Variants in KIF6 observed in about 807,000 individuals in gnomAD.
The protein encoded by KIF6 is kinesin-like protein KIF6.
A neutral mutation model predicts 112.7 loss-of-function variants in KIF6; 106 were observed. The ratio of observed to expected loss-of-function variants is 0.94; its 90% confidence interval spans 0.80 to 1.11. The LOEUF is 1.11. Ranked by LOEUF, KIF6 falls within the 50% of genes least tolerant of loss-of-function variation. The pLI, the probability that KIF6 is intolerant of heterozygous loss-of-function variation, is 0.00. For synonymous variants in KIF6, 339 were observed against 339.9 expected (o/e 1.00, Z 0.03); for missense variants, 929 against 964.0 (o/e 0.96, Z 0.48).
intron 18 of KIF6, among the ~76,000 whole-genome samples, chr6:39,357,598 G>A (rs563105222): frequency 2.0e-5 from 3 of 152,036 alleles, no homozygotes; most frequent in East Asian, 1.9e-4. Flanking sequence ...ATAGGCACCC[G>A]CCATCATGCC....
chr6:39,706,828 G>A (rs1241727836), intron 3 of KIF6, among the ~76,000 whole-genome samples: 1 of 152,188 alleles, frequency 6.6e-6, no homozygotes, highest in South Asian at 2.1e-4. Context: ...AATTTCAGAT[G>A]GGATTAGCTT....
At chr6:39,337,149 T>TTTTC (rs1762986769) in intron 22 of KIF6, among the ~76,000 whole-genome samples, 4 of 95,924 alleles carry the variant, frequency 4.2e-5, no homozygotes, top group Admixed American at 3.8e-4. Context: ...CCTTCCTTTC[T>TTTTC]CTTTCTTTTC....
At chr6:39,422,556 T>C (rs1029850807) in intron 14 of KIF6, among the ~76,000 whole-genome samples, 4 of 152,214 alleles carry the variant, frequency 2.6e-5, no homozygotes, top group Non-Finnish European at 1.5e-5. Context: ...CATGTGTTCC[T>C]GATCCCTGGT....
chr6:39,400,405 T>C (rs924077681), intron 15 of KIF6, among the ~76,000 whole-genome samples: 4 of 152,270 alleles, frequency 2.6e-5, no homozygotes, highest in Admixed American at 2.6e-4. Context: ...AATGTGTTCC[T>C]TTTTGCCCTT....
intron 10 of KIF6, among the ~76,000 whole-genome samples, chr6:39,575,146 A>G (rs1780871052): frequency 6.6e-6 from 1 of 151,998 alleles, no homozygotes; most frequent in African/African-American, 2.4e-5. Flanking sequence ...TTGGCCTCAT[A>G]TTTCTAATTC....
chr6:39,589,915 A>G (rs1781840429), intron 7 of KIF6, among the ~76,000 whole-genome samples: 1 of 152,232 alleles, frequency 6.6e-6, no homozygotes. Flanking sequence ...CCAGTTTACA[A>G]TTAAGAAATT....
intron 14 of KIF6, among the ~76,000 whole-genome samples, chr6:39,426,779 G>A (rs1291968065): frequency 2.6e-5 from 4 of 152,048 alleles, no homozygotes; most frequent in Non-Finnish European, 5.9e-5. Context: ...TGGAATGAAG[G>A]GGATGGGGGA....
intron 10 of KIF6, 52 bp from the exon 11 acceptor site, chr6:39,545,740 T>C (rs1158258939): frequency 8.9e-7 from 1 of 1,118,620 alleles, no homozygotes; most frequent in East Asian, 2.3e-5. Context: ...GCTTTAAAAA[T>C]TCTAATGGCA....
intron 10 of KIF6, chr6:39,553,714 T>C (rs1039201728): frequency 7.2e-5 from 11 of 152,242 alleles, no homozygotes; most frequent in Non-Finnish European, 1.0e-4. Context: ...AAGGTATATA[T>C]GTCTTATGAC....
At chr6:39,464,290 A>G (rs1200197778) in intron 13 of KIF6, among the ~76,000 whole-genome samples, 4 of 152,216 alleles carry the variant, frequency 2.6e-5, no homozygotes, top group East Asian at 1.9e-4. Context: ...TTTGGAGACC[A>G]TCTGCATTTT....
chr6:39,543,388 G>T (rs922530679), intron 12 of KIF6, among the ~76,000 whole-genome samples: 17 of 151,728 alleles, frequency 1.1e-4, no homozygotes, highest in African/African-American at 1.9e-4. Context: ...GTGTGTGGGT[G>T]GGGGGGGATT....
chr6:39,346,133 C>CTG (rs1562113407), intron 20 of KIF6, among the ~76,000 whole-genome samples: 2 of 89,292 alleles, frequency 2.2e-5, no homozygotes, highest in South Asian at 4.2e-4. Flanking sequence ...CTCCCTCTCC[C>CTG]TCTCTCTCTC....
intron 15 of KIF6, among the ~76,000 whole-genome samples, chr6:39,409,510 C>G (rs1443927925): frequency 2.6e-5 from 4 of 152,226 alleles, no homozygotes; most frequent in Non-Finnish European, 1.5e-5. Flanking sequence ...TGCTGAGTCC[C>G]TGAGGATGGA....
chr6:39,580,094 C>T (rs1035070354), intron 9 of KIF6, among the ~76,000 whole-genome samples: 4 of 151,982 alleles, frequency 2.6e-5, no homozygotes, highest in East Asian at 3.9e-4. Flanking sequence ...AGGTTAATTT[C>T]GTCAGACATC....
intron 5 of KIF6, among the ~76,000 whole-genome samples, chr6:39,628,294 C>T (rs10456473): frequency 0.34 from 51,086 of 151,478 alleles, 8,852 homozygotes; most frequent in South Asian, 0.42. Flanking sequence ...TGCAATTATC[C>T]CAGTTTTGCT....
intron 14 of KIF6, among the ~76,000 whole-genome samples, chr6:39,428,966 C>T (rs1456210599): frequency 1.3e-5 from 2 of 152,116 alleles, no homozygotes; most frequent in Non-Finnish European, 2.9e-5. Flanking sequence ...AGTATGTCCC[C>T]TTATAAACAT....
intron 7 of KIF6, 83 bp downstream of exon 7, chr6:39,595,971 T>C (rs987864887): frequency 5.6e-6 from 6 of 1,066,048 alleles, no homozygotes; most frequent in Non-Finnish European, 8.2e-6. Context: ...ATAAAAAAAA[T>C]TCTAATAGAA....
intron 13 of KIF6, among the ~76,000 whole-genome samples, chr6:39,431,906 C>A (rs1479677717): frequency 6.6e-6 from 1 of 152,098 alleles, no homozygotes; most frequent in Non-Finnish European, 1.5e-5. Context: ...GCCTGGGACC[C>A]CTCAGTGAGA....
At chr6:39,527,029 G>A (rs527786262) in intron 13 of KIF6, among the ~76,000 whole-genome samples, 19 of 152,174 alleles carry the variant, frequency 1.2e-4, no homozygotes, top group Non-Finnish European at 2.6e-4. Flanking sequence ...TTCTCCTTGA[G>A]CTTTTCTTTT....
Sources: gnomAD v4.1 joint callset for allele counts (sites outside exome capture counted in the v4.1 genomes callset) on GRCh38, gnomAD v4.1.1 for gene constraint, MANE v1.5 for transcripts, NCBI Gene and HGNC (gene_info 2026-07-23, HGNC 2026-07-21) for gene names.